PPP2R5C: variants seen among roughly 807,000 people sequenced by gnomAD.
The protein encoded by PPP2R5C is serine/threonine-protein phosphatase 2A 56 kDa regulatory subunit gamma isoform.
A neutral mutation model predicts 68.9 loss-of-function variants in PPP2R5C; 7 were observed. That is an observed-to-expected ratio of 0.10 (90% CI 0.06 to 0.19). The LOEUF (loss-of-function observed/expected upper bound fraction) is 0.19. PPP2R5C is among the 10% of genes least tolerant of loss of function. The probability of loss-of-function intolerance (pLI) is 1.00; values close to 1 mark genes in which losing one functional copy is unlikely to be tolerated. For missense variants in PPP2R5C, 348 were observed against 641.3 expected, an observed-to-expected ratio of 0.54 and a Z score of 4.94; for synonymous variants, 210 against 222.2, an observed-to-expected ratio of 0.95 and a Z score of 0.49.
chr14:101,867,109 C>T (rs1213777274), intron 2 of PPP2R5C, among the ~76,000 whole-genome samples: 2 of 150,850 alleles, frequency 1.3e-5, no homozygotes, highest in African/African-American at 2.4e-5. Flanking sequence ...CTCAGCTACT[C>T]GGGAGGCTGA....
intron 1 of PPP2R5C, among the ~76,000 whole-genome samples, chr14:101,839,773 A>G (rs984210999): frequency 1.3e-5 from 2 of 152,230 alleles, no homozygotes; most frequent in African/African-American, 4.8e-5. Context: ...GTGAAATTTC[A>G]AACAGTTGAC....
chr14:101,910,161 G>C (rs1161282920), intron 11 of PPP2R5C, among the ~76,000 whole-genome samples: 1 of 152,116 alleles, frequency 6.6e-6, no homozygotes, highest in African/African-American at 2.4e-5. Context: ...GCAAAATCAG[G>C]GTCCTGCCCT....
intron 1 of PPP2R5C, among the ~76,000 whole-genome samples, chr14:101,813,506 C>T (rs116033706): frequency 0.01 from 1,587 of 152,346 alleles, 32 homozygotes; most frequent in African/African-American, 0.037. Flanking sequence ...TCTAGTGCCT[C>T]CTCCCTGTGC....
At chr14:101,860,636 C>T (rs759026707) in intron 2 of PPP2R5C, among the ~76,000 whole-genome samples, 5 of 151,830 alleles carry the variant, frequency 3.3e-5, no homozygotes, top group Admixed American at 6.6e-5. Context: ...CACCATTTTA[C>T]GTTTGTATCA....
Position 101,906,303 on chromosome 14 carries a change from C to A in PPP2R5C, c.1024-99C>A. 7.8e-7 allele frequency: 1 copy of A among 1,283,998 alleles called. No individual in the cohort carries two copies. The highest frequency in any genetic ancestry group is 1.1e-6 in the Non-Finnish European group (1 of 943,824). 79.5% of individuals were successfully genotyped at this position (1,283,998 alleles called of 1,614,324 possible). A position where few individuals can be genotyped will look rare whatever the true frequency, so the allele number is the denominator to read the frequency against. ...TAGAAATAATCATAATTTTCTGGTC[C>A]AAGGTAGTTCATTACCCGACTCACA... On this transcript the variant is annotated intron_variant, in intron 9 of 13. Coordinates refer to ENST00000334743, the Ensembl canonical transcript of PPP2R5C. The surrounding 1 kb of genome is among the most constrained non-coding windows in gnomAD (Gnocchi z 4.0).
chr14:101,839,745 T>C (rs1819225485), intron 1 of PPP2R5C, among the ~76,000 whole-genome samples: 2 of 152,204 alleles, frequency 1.3e-5, no homozygotes, highest in Non-Finnish European at 2.9e-5. Flanking sequence ...ATTTATTGAA[T>C]CGTAGCACAC....
intron 2 of PPP2R5C, among the ~76,000 whole-genome samples, chr14:101,776,052 C>G (rs1294049175): frequency 6.9e-6 from 1 of 145,196 alleles, no homozygotes; most frequent in African/African-American, 2.5e-5. Context: ...CCGCCTTCCT[C>G]CTAGAAAATG....
upstream of PPP2R5C, among the ~76,000 whole-genome samples, chr14:101,761,017 C>CGGGCTGGTCGAAGGG (rs1566813301): frequency 5.2e-4 from 41 of 78,776 alleles, 1 homozygote; most frequent in African/African-American, 1.9e-3. Context: ...AAGGGGAGGG[C>CGGGCTGGTCGAAGGG]AGGGGACGGG....
intron 12 of PPP2R5C, among the ~76,000 whole-genome samples, chr14:101,914,021 G>T (rs146333983): frequency 4.6e-5 from 7 of 152,222 alleles, no homozygotes. Flanking sequence ...ACATGGCCCA[G>T]TTTCACTACT....
intron 3 of PPP2R5C, among the ~76,000 whole-genome samples, chr14:101,786,482 C>A (rs2038093463): frequency 1.3e-5 from 2 of 151,996 alleles, no homozygotes; most frequent in South Asian, 4.1e-4. Flanking sequence ...GCCAGTTTTT[C>A]TTTTAAATTA....
chr14:101,917,869 G>A lies in PPP2R5C; in HGVS notation c.1365G>A (p.Pro455=), dbSNP rs115377395. 11 of 1,613,746 alleles carry A rather than the reference G, an allele frequency of 6.8e-6. No homozygotes were observed. The highest frequency in any genetic ancestry group is 5.3e-5 in the African/African-American group (4 of 75,000). Reference sequence around the variant, plus strand: ...GTCAAGCCAGCACCATGAGCATTCCGGTTGCAATGGAGACAGATGGGCCTT... The same window carrying A: ...GTCAAGCCAGCACCATGAGCATTCCAGTTGCAATGGAGACAGATGGGCCTT... The change falls in exon 13 of 14, where the codon CCG becomes CCA. Residue 455 remains proline, a synonymous_variant. Coordinates refer to ENST00000334743, the Ensembl canonical transcript of PPP2R5C. The surrounding 1 kb of genome is among the most constrained non-coding windows in gnomAD (Gnocchi z 4.4).
At position 101,924,445 on chromosome 14, in the gene PPP2R5C, C is replaced by CTTTTTT. The variant is rs11325673; in HGVS notation, c.1444-689_1444-684dup. On this transcript the variant is annotated intron_variant, in intron 13 of 13. Coordinates refer to ENST00000334743, the Ensembl canonical transcript of PPP2R5C. ...TTTACCTCCAAGGAAATTTCTACAT[C>CTTTTTT]TTTTTTTTTTTTGAGATGGAGTCTG... 4.2e-3 allele frequency among the ~76,000 whole-genome samples: 351 copies of CTTTTTT among 84,530 alleles called. 56 individuals carry two copies. In the East Asian group the frequency reaches 0.06, roughly 15 times the overall value. The allele number at this position is 84,530 out of a possible 152,430, so 55.5% of individuals were successfully genotyped here. A position where few individuals can be genotyped will look rare whatever the true frequency, so the allele number is the denominator to read the frequency against.
intron 2 of PPP2R5C, among the ~76,000 whole-genome samples, chr14:101,871,270 C>G (rs2043397750): frequency 6.6e-6 from 1 of 151,676 alleles, no homozygotes; most frequent in Non-Finnish European, 1.5e-5. Context: ...GAGACAGAGT[C>G]TCGCTCTGTC....
At chr14:101,865,493 T>C (rs1367957935) in intron 2 of PPP2R5C, among the ~76,000 whole-genome samples, 7 of 152,222 alleles carry the variant, frequency 4.6e-5, no homozygotes, top group African/African-American at 1.7e-4. Context: ...GACTGGGTCA[T>C]GTGCCCACCA....
intron 3 of PPP2R5C, among the ~76,000 whole-genome samples, chr14:101,791,920 AT>A (rs1429080829): frequency 6.6e-6 from 1 of 152,150 alleles, no homozygotes; most frequent in African/African-American, 2.4e-5. Context: ...TGGTCATTGT[AT>A]TCAGATATGT....
intron 9 of PPP2R5C, among the ~76,000 whole-genome samples, chr14:101,903,556 G>C (rs1002273108): frequency 3.9e-5 from 6 of 152,232 alleles, no homozygotes; most frequent in Non-Finnish European, 8.8e-5. Flanking sequence ...GCCCTCGTCT[G>C]TGTCCCCCAC....
chr14:101,774,666 A>G (rs745656054), intron 2 of PPP2R5C, among the ~76,000 whole-genome samples: 3 of 152,128 alleles, frequency 2.0e-5, no homozygotes, highest in African/African-American at 7.2e-5. Context: ...TCTTTTTATT[A>G]CTGGAGGTCG....
At position 101,851,304 on chromosome 14, in the gene PPP2R5C, G is replaced by A. The variant is rs2042142178; in HGVS notation, c.95-5382G>A. On this transcript the variant is annotated intron_variant, in intron 1 of 13. Coordinates refer to ENST00000334743, the Ensembl canonical transcript of PPP2R5C. Reference sequence around the variant, plus strand: ...AAAAACTAGCTGGGTGTGGGTGCATGCCTGTAGTCCCAGCTACTCAGAGGG... The same window carrying A: ...AAAAACTAGCTGGGTGTGGGTGCATACCTGTAGTCCCAGCTACTCAGAGGG... Among the ~76,000 whole-genome samples, 2 of 152,168 alleles carry A rather than the reference G, an allele frequency of 1.3e-5. 1 individual carries two copies. Among genetic ancestry groups the A allele is most frequent in the Non-Finnish European group, 2.9e-5 (2 of 68,036 alleles).
rs1373717833 is a variant in PPP2R5C at position 101,906,184 on chromosome 14, A to G, written c.1024-218A>G. ...GGAATAAGTAGAGAAATAGGTGACAATGTTCTTGATGAGTTGATGTACAAG... is the reference window on the plus strand; with the variant it reads ...GGAATAAGTAGAGAAATAGGTGACAGTGTTCTTGATGAGTTGATGTACAAG... On this transcript the variant is annotated intron_variant, in intron 9 of 13. Transcript: ENST00000334743. The surrounding 1 kb of genome is among the most constrained non-coding windows in gnomAD (Gnocchi z 4.0). 6.6e-6 allele frequency among the ~76,000 whole-genome samples: 1 copy of G among 152,242 alleles called. No homozygotes were observed. The highest frequency in any genetic ancestry group is 6.5e-5 in the Admixed American group (1 of 15,284).
Sources: allele counts gnomAD v4.1 joint callset (sites outside exome capture counted in the v4.1 genomes callset), GRCh38; gene constraint gnomAD v4.1.1; non-coding constraint Gnocchi (gnomAD v3.1); transcripts MANE v1.5; gene names NCBI Gene and HGNC (gene_info 2026-07-23, HGNC 2026-07-21).